Variants in PLD5 observed in about 807,000 individuals in gnomAD.
PLD5 encodes inactive phospholipase D5.
A neutral mutation model predicts 61.1 loss-of-function variants in PLD5; 36 were observed. The ratio of observed to expected loss-of-function variants is 0.59; its 90% CI spans 0.45 to 0.78. The LOEUF is 0.78. Ranked by LOEUF, PLD5 falls within the 30% of genes least tolerant of loss-of-function variation. PLD5 has a pLI of 0.00. For synonymous variants in PLD5, 243 were observed against 242.8 expected, an observed-to-expected ratio of 1.00 and a Z score of -0.01; for missense variants, 515 against 644.4, an observed-to-expected ratio of 0.80 and a Z score of 2.17.
At chr1:242,157,944 C>T (rs960617835) in intron 5 of PLD5, among the ~76,000 whole-genome samples, 1 of 152,180 alleles carries the variant, frequency 6.6e-6, no homozygotes, top group African/African-American at 2.4e-5. Context: ...TGCCCTGTCC[C>T]AGGGGAGTTT....
intron 3 of PLD5, among the ~76,000 whole-genome samples, chr1:242,271,259 C>A (rs1486828144): frequency 2.2e-5 from 3 of 138,234 alleles, no homozygotes; most frequent in South Asian, 2.3e-4. Context: ...TAAGGGGAAT[C>A]AGGGGAAAAG....
intron 1 of PLD5, among the ~76,000 whole-genome samples, chr1:242,391,659 A>G (rs1662941486): frequency 6.6e-6 from 1 of 152,188 alleles, no homozygotes; most frequent in Admixed American, 6.5e-5. Flanking sequence ...TGATTGTCCT[A>G]GAAATAGAAT....
rs557060586 is a variant in PLD5, at chr1:242,410,067, AT to A, written c.190-61826del. Among the ~76,000 whole-genome samples the A allele has an allele frequency of 1.6e-3, 244 of 152,224 alleles. 1 individual carries two copies. The highest frequency in any genetic ancestry group is 5.6e-3 in the African/African-American group (232 of 41,530). ...CTAAAATAATGTCTTAATAACTCCT[AT>A]AATATTCCTCCCTGTGGAGAGGTCA... On this transcript the variant is annotated intron_variant, in intron 1 of 9. Transcript: ENST00000536534.
rs1472883012 is a variant in PLD5, at chr1:242,409,865, C to T, written c.190-61623G>A. ...TGCCAGGCACATGTGAAGGCAAAGG[C>T]AAGAAGACACGGGAATCGCCATGTT... is the stretch of plus-strand genomic sequence containing the variant. On this transcript the variant is annotated intron_variant, in intron 1 of 9. Transcript: ENST00000536534. Among the ~76,000 whole-genome samples, 4 of 152,184 alleles carry T rather than the reference C, an allele frequency of 2.6e-5. 1 individual carries two copies. The highest frequency in any genetic ancestry group is 9.7e-5 in the African/African-American group (4 of 41,442).
chr1:242,208,970 T>C (rs1363351837), intron 5 of PLD5: 2 of 152,232 alleles, frequency 1.3e-5, no homozygotes, highest in Admixed American at 1.3e-4. Flanking sequence ...AATAAACCTA[T>C]TGAACCCACC....
intron 5 of PLD5, among the ~76,000 whole-genome samples, chr1:242,164,494 G>A (rs1055834790): frequency 6.6e-6 from 1 of 152,096 alleles, no homozygotes; most frequent in Non-Finnish European, 1.5e-5. Context: ...ACATGGACAT[G>A]TTATTTGCAA....
intron 2 of PLD5, among the ~76,000 whole-genome samples, chr1:242,339,428 G>A (rs566334752): frequency 2.0e-5 from 3 of 152,310 alleles, no homozygotes; most frequent in African/African-American, 7.2e-5. Flanking sequence ...AAGAATCAAA[G>A]AGGGATGAGT....
intron 5 of PLD5, among the ~76,000 whole-genome samples, chr1:242,129,324 T>G (rs1663051952): frequency 6.6e-6 from 1 of 152,196 alleles, no homozygotes; most frequent in African/African-American, 2.4e-5. Context: ...CACTGCCCTC[T>G]AGAGATGTAA....
At chr1:242,313,007 T>C (rs1211493294) in intron 2 of PLD5, among the ~76,000 whole-genome samples, 1 of 152,212 alleles carries the variant, frequency 6.6e-6, no homozygotes, top group Non-Finnish European at 1.5e-5. Flanking sequence ...TCATCACATA[T>C]CTTCTTAAGC....
chr1:242,458,563 T>C (rs12048081), intron 1 of PLD5, among the ~76,000 whole-genome samples: 45,154 of 152,172 alleles, frequency 0.3, 6,929 homozygotes, highest in South Asian at 0.35. Flanking sequence ...GTATGAGAGT[T>C]TGGGCTGGAG....
At chr1:242,193,981 A>G (rs1302032740) in intron 5 of PLD5, among the ~76,000 whole-genome samples, 1 of 152,218 alleles carries the variant, frequency 6.6e-6, no homozygotes, top group Non-Finnish European at 1.5e-5. Flanking sequence ...CTGTGGAGCT[A>G]CTTAGAAAAA....
chr1:242,158,779 T>C (rs1665594029), intron 5 of PLD5, among the ~76,000 whole-genome samples: 1 of 152,014 alleles, frequency 6.6e-6, no homozygotes, highest in Non-Finnish European at 1.5e-5. Context: ...GCCATCAGTC[T>C]CCTATTTTTT....
At chr1:242,092,821 A>G (rs1659937776) in intron 9 of PLD5, among the ~76,000 whole-genome samples, 1 of 152,126 alleles carries the variant, frequency 6.6e-6, no homozygotes, top group Non-Finnish European at 1.5e-5. Context: ...GCCCTCGAAC[A>G]TACCGAGTCC....
chr1:242,373,369 AACC>A (rs1225216592), intron 1 of PLD5, among the ~76,000 whole-genome samples: 1 of 152,244 alleles, frequency 6.6e-6, no homozygotes, highest in Non-Finnish European at 1.5e-5. Flanking sequence ...AAACTAGTTC[AACC>A]ATTGTGGAAG....
At chr1:242,110,619 G>A (rs559124768) in intron 7 of PLD5, among the ~76,000 whole-genome samples, 168 of 152,220 alleles carry the variant, frequency 1.1e-3, no homozygotes, top group African/African-American at 3.9e-3. Flanking sequence ...AGACCAGCCT[G>A]GCCAACATGG....
intron 1 of PLD5, among the ~76,000 whole-genome samples, chr1:242,442,568 T>C (rs894219446): frequency 6.6e-6 from 1 of 152,240 alleles, no homozygotes; most frequent in Non-Finnish European, 1.5e-5. Flanking sequence ...GAACCAGTGA[T>C]GTTTTATTCT....
chr1:242,489,244 C>T (rs1373394131), intron 1 of PLD5, among the ~76,000 whole-genome samples: 3 of 151,966 alleles, frequency 2.0e-5, no homozygotes, highest in Admixed American at 6.6e-5. Context: ...GTCCATCATC[C>T]GTCCCTTTTT....
intron 2 of PLD5, among the ~76,000 whole-genome samples, chr1:242,335,580 G>A (rs1659455554): frequency 6.6e-6 from 1 of 152,148 alleles, no homozygotes; most frequent in Non-Finnish European, 1.5e-5. Flanking sequence ...AAATAAGAAA[G>A]CATCTGCATA....
At chr1:242,331,993 C>T (rs777101825) in intron 2 of PLD5, among the ~76,000 whole-genome samples, 4 of 152,234 alleles carry the variant, frequency 2.6e-5, no homozygotes, top group Non-Finnish European at 4.4e-5. Flanking sequence ...CCCATCAACC[C>T]GTCATCTACA....
Sources: gnomAD v4.1 joint callset for allele counts (sites outside exome capture counted in the v4.1 genomes callset) on GRCh38, gnomAD v4.1.1 for gene constraint, MANE v1.5 for transcripts, NCBI Gene and HGNC (gene_info 2026-07-23, HGNC 2026-07-21) for gene names.